HERC1: variants seen among roughly 807,000 people sequenced by gnomAD.
HERC1 encodes the protein HECT and RLD domain containing E3 ubiquitin protein ligase family member 1.
In HERC1, 160 loss-of-function variants were observed where a neutral mutation model predicts 554.3. The ratio of observed to expected loss-of-function variants is 0.29; its 90% CI spans 0.25 to 0.33. The LOEUF (loss-of-function observed/expected upper bound fraction) is 0.33. Among genes scored for constraint, HERC1 ranks in the 10% least tolerant of loss-of-function variants. The pLI, the probability that HERC1 is intolerant of heterozygous loss-of-function variation, is 1.00. For synonymous variants in HERC1, 2,175 were observed against 2,131.7 expected, an observed-to-expected ratio of 1.02 and a Z score of -0.56; for missense variants, 4,919 against 5,918.5, an observed-to-expected ratio of 0.83 and a Z score of 5.54.
At chr15:63,642,592 C>A (rs1566965420) in intron 59 of HERC1, among the ~76,000 whole-genome samples, 7 of 152,158 alleles carry the variant, frequency 4.6e-5, no homozygotes, top group Admixed American at 3.3e-4. Flanking sequence ...CCCACCTCAG[C>A]CTCCCCAAAG....
intron 43 of HERC1, 136 bp downstream of exon 43, chr15:63,664,334 T>C (rs898643214): frequency 2.9e-6 from 2 of 683,034 alleles, no homozygotes; most frequent in Non-Finnish European, 4.8e-6. Context: ...TAGAAAATGA[T>C]ATCCAAATAG....
intron 25 of HERC1, among the ~76,000 whole-genome samples, chr15:63,700,106 CTTGTTTTTA>C (rs1461648513): frequency 1.3e-5 from 2 of 151,994 alleles, no homozygotes; most frequent in Non-Finnish European, 1.5e-5. Context: ...TTATTATTTC[CTTGTTTTTA>C]TTGTTTTAAT....
At chr15:63,647,151 G>T (rs569465516) in intron 55 of HERC1, among the ~76,000 whole-genome samples, 100 of 152,190 alleles carry the variant, frequency 6.6e-4, no homozygotes, top group South Asian at 2.1e-3. Context: ...CTACTCAGGA[G>T]ACTGAGGCAG....
intron 1 of HERC1, among the ~76,000 whole-genome samples, chr15:63,813,653 G>A (rs2145413950): frequency 6.6e-6 from 1 of 152,280 alleles, no homozygotes; most frequent in South Asian, 2.1e-4. Flanking sequence ...AAGAAGAGGA[G>A]AGGAAACTAT....
chr15:63,679,521 G>A (rs1327077484), intron 36 of HERC1, among the ~76,000 whole-genome samples: 1 of 152,100 alleles, frequency 6.6e-6, no homozygotes, highest in Admixed American at 6.6e-5. Flanking sequence ...AAAGGATGGA[G>A]TAGGGAAAAA....
At chr15:63,697,699 C>A (rs990596646) in intron 26 of HERC1, among the ~76,000 whole-genome samples, 5 of 152,136 alleles carry the variant, frequency 3.3e-5, no homozygotes, top group African/African-American at 1.2e-4. Context: ...AGGTGATCCA[C>A]CCACCTTGGC....
In HERC1 at chr15:63,694,537, C is replaced by T. The variant is rs773187788; in HGVS notation, c.5255G>A (p.Arg1752His). 48 of 1,613,558 alleles carry T rather than the reference C, an allele frequency of 3.0e-5. No homozygotes were observed. Among genetic ancestry groups the T allele is most frequent in the Non-Finnish European group, 3.4e-5 (40 of 1,179,630 alleles). The change falls in exon 29 of 78, where the codon CGT becomes CAT. Residue 1752 changes from arginine (R) to histidine (H), a missense_variant. This residue lies in a region of HERC1 where 1,121 missense variants were observed against 1,244.0 expected (regional missense o/e 0.90). Coordinates refer to ENST00000443617, the MANE Select transcript of HERC1 (RefSeq NM_003922.4). This position sits in a 1 kb window ranked among gnomAD's most constrained non-coding sequence, Gnocchi z 4.3. Reference sequence around the variant, plus strand: ...GGCAAAAACTGTAACCAGAAGCAGACGTTGCTGGGCTTCTAAAAGACAAAG... The same window carrying T: ...GGCAAAAACTGTAACCAGAAGCAGATGTTGCTGGGCTTCTAAAAGACAAAG... ...ANKHHIEAQQ[R>H]LLLVTVFALS...
At chr15:63,785,040 T>C (rs531793332) in intron 1 of HERC1, among the ~76,000 whole-genome samples, 12 of 152,306 alleles carry the variant, frequency 7.9e-5, no homozygotes, top group African/African-American at 2.6e-4. Flanking sequence ...TAGAAAGTTA[T>C]ATAAAAGAAA....
intron 12 of HERC1, among the ~76,000 whole-genome samples, chr15:63,736,095 G>A (rs2074491627): frequency 6.6e-6 from 1 of 152,062 alleles, no homozygotes; most frequent in Admixed American, 6.6e-5. Flanking sequence ...CAAAATTTTG[G>A]AAACAGAAAG....
chr15:63,744,678 G>C (rs917383670), intron 12 of HERC1, among the ~76,000 whole-genome samples: 3 of 152,144 alleles, frequency 2.0e-5, no homozygotes, highest in Non-Finnish European at 2.9e-5. Flanking sequence ...GTTCCCTTAA[G>C]CTTAAGGCCC....
chr15:63,674,686 G>T lies in HERC1; in HGVS notation c.7502C>A (p.Ser2501Ter). 1 of 1,613,746 alleles carries T rather than the reference G, an allele frequency of 6.2e-7. No homozygotes were observed. Among genetic ancestry groups the T allele is most frequent in the South Asian group, 1.1e-5 (1 of 91,034 alleles). The change falls in exon 38 of 78, where the codon TCA (serine) becomes TAA (stop). Residue 2501 changes from serine to a stop codon, truncating the protein, a stop_gained. Coordinates refer to ENST00000443617, the MANE Select transcript of HERC1 (RefSeq NM_003922.4). LOFTEE classifies it high-confidence loss of function. ...GGACAGCTGGACTGCTCTGATTTCT[G>T]ACTGGGCTACATCATGGTTTTTGGA... ...HMSKNHDVAQSEIRAVQLSYL... is the reference protein window; with the variant it reads ...HMSKNHDVAQ
rs1343276297 is a variant in HERC1 at position 63,692,622 on chromosome 15, A to T, written c.5675-56T>A. 1.4e-6 allele frequency: 2 copies of T among 1,417,526 alleles called. No individual in the cohort carries two copies. Among genetic ancestry groups the T allele is most frequent in the Non-Finnish European group, 1.9e-6 (2 of 1,059,810 alleles). 87.8% of individuals were successfully genotyped at this position (1,417,526 alleles called of 1,614,324 possible). ...CCAAGAGCCAACAAGAAATAGTCTT[A>T]TATCACATAATTTACCTTGAAACTG... On this transcript the variant is annotated intron_variant, in intron 30 of 77. Transcript: ENST00000443617. This position sits in a 1 kb window ranked among gnomAD's most constrained non-coding sequence, Gnocchi z 4.7.
At position 63,620,861 on chromosome 15, in the gene HERC1, T is replaced by A. The variant is rs536762623; in HGVS notation, c.13688+1954A>T. ...CATTTGCTTGGTAGATCTTCCTCCA[T>A]CCCTTTATTTTGAGCCTATATGTGT... On this transcript the variant is annotated intron_variant, in intron 74 of 77. Transcript: ENST00000443617. Among the ~76,000 whole-genome samples the A allele has an allele frequency of 1.2e-3, 176 of 152,292 alleles. 1 individual carries two copies. Among genetic ancestry groups the A allele is most frequent in the Middle Eastern group, 3.4e-3 (1 of 294 alleles).
intron 8 of HERC1, among the ~76,000 whole-genome samples, chr15:63,750,496 AT>A (rs1350673500): frequency 2.0e-5 from 3 of 152,118 alleles, no homozygotes; most frequent in South Asian, 2.1e-4. Context: ...AATCTGAATG[AT>A]TTTTTTTCTT....
rs776154650 is a variant in HERC1 at position 63,690,602 on chromosome 15, T to C, written c.5876A>G (p.His1959Arg). The change falls in exon 32 of 78, where the codon CAT (histidine) becomes CGT (arginine). Residue 1959 changes from histidine to arginine, a missense_variant. Physicochemically the swap from His to Arg is conservative, Grantham distance 29 (BLOSUM62 0). Transcript: ENST00000443617. Reference sequence around the variant, plus strand: ...AGCTGGCAGCACAGCTTCAAGGACATGAAGTGCAAGGAGCCTTGTTCTTAA... The same window carrying C: ...AGCTGGCAGCACAGCTTCAAGGACACGAAGTGCAAGGAGCCTTGTTCTTAA... ...GNLRTRLLAL[H>R]VLEAVLPACE... 1 of 1,613,442 alleles carries C rather than the reference T, an allele frequency of 6.2e-7. No homozygotes were observed. The highest frequency in any genetic ancestry group is 8.5e-7 in the Non-Finnish European group (1 of 1,179,486).
Position 63,674,946 on chromosome 15 carries a change from A to G in HERC1, c.7242T>C (p.His2414=). The change falls in exon 38 of 78, where the codon CAT becomes CAC. Residue 2414 remains histidine, a synonymous_variant. Transcript: ENST00000443617. The part of the protein sequence containing the change: ...EDMGKQSTKR[H]EKKHRHESEE... ...CGGATTCATGTCGGTGTTTCTTTTC[A>G]TGTCGTTTGGTGCTCTGTTTGCCCA... 2.5e-6 allele frequency: 4 copies of G among 1,613,918 alleles called. No individual in the cohort carries two copies. The highest frequency in any genetic ancestry group is 3.4e-6 in the Non-Finnish European group (4 of 1,179,882).
intron 58 of HERC1, 62 bp downstream of exon 58, chr15:63,643,342 C>T: frequency 7.1e-7 from 1 of 1,401,946 alleles, no homozygotes; most frequent in Non-Finnish European, 9.8e-7. Flanking sequence ...TAATTTTTAT[C>T]ACATGTGTTT....
chr15:63,691,113 C>T lies in HERC1; in HGVS notation c.5831-466G>A, dbSNP rs117726434. Reference sequence around the variant, plus strand: ...CTCATTGCCTCTCTCCGTCCATGCACTGACTGTCTCACAGGGATTGTTAGG... The same window carrying T: ...CTCATTGCCTCTCTCCGTCCATGCATTGACTGTCTCACAGGGATTGTTAGG... On this transcript the variant is annotated intron_variant, in intron 31 of 77. Transcript: ENST00000443617. Among the ~76,000 whole-genome samples, 167 of 152,280 alleles carry T rather than the reference C, an allele frequency of 1.1e-3. 4 individuals carry two copies. The East Asian group carries it at 0.029, about 26-fold the overall frequency.
chr15:63,740,025 C>A (rs911713649), intron 12 of HERC1, among the ~76,000 whole-genome samples: 14 of 152,174 alleles, frequency 9.2e-5, no homozygotes, highest in African/African-American at 3.4e-4. Context: ...ATTCTTGTGC[C>A]TCAGCCTCCC....
Sources: allele counts gnomAD v4.1 joint callset (sites outside exome capture counted in the v4.1 genomes callset), GRCh38; gene constraint gnomAD v4.1.1; regional missense constraint gnomAD v4.1.1; non-coding constraint Gnocchi (gnomAD v3.1); transcripts MANE v1.5; gene names NCBI Gene and HGNC (gene_info 2026-07-23, HGNC 2026-07-21).